NPSR1: variants seen among roughly 807,000 people sequenced by gnomAD.
The protein encoded by NPSR1 is neuropeptide S receptor 1.
In NPSR1, 48 loss-of-function variants were observed where a neutral mutation model predicts 46.9. The ratio of observed to expected loss-of-function variants is 1.02; its 90% CI spans 0.81 to 1.30. The LOEUF (loss-of-function observed/expected upper bound fraction) is 1.30. Among genes scored for constraint, NPSR1 ranks in the 50% most tolerant of loss-of-function variants. The probability of loss-of-function intolerance (pLI) is 0.00; values close to 1 mark genes in which losing one functional copy is unlikely to be tolerated. For missense variants in NPSR1, 450 were observed against 449.5 expected, an observed-to-expected ratio of 1.00 and a Z score of -0.01; for synonymous variants, 176 against 168.1, an observed-to-expected ratio of 1.05 and a Z score of -0.36.
chr7:34,793,002 T>C (rs916441075), intron 3 of NPSR1, among the ~76,000 whole-genome samples: 2 of 151,262 alleles, frequency 1.3e-5, no homozygotes, highest in African/African-American at 4.9e-5. Flanking sequence ...TTGGGAAACA[T>C]AGCAAGACCC....
chr7:34,866,958 GGGGATGGGAGA>G (rs1791328553), intron 8 of NPSR1, among the ~76,000 whole-genome samples: 1 of 151,676 alleles, frequency 6.6e-6, no homozygotes, highest in African/African-American at 2.4e-5. Context: ...CTCTTCTTCT[GGGGATGGGAGA>G]ACTAAAGCCA....
At position 34,861,156 on chromosome 7, in the gene NPSR1, A is replaced by C. The variant is rs556741498; in HGVS notation, c.1025+12493A>C. On this transcript the variant is annotated intron_variant, in intron 8 of 8. Coordinates refer to the NPSR1 transcript ENST00000359791. ...GAGGCAAAAGCCCAATGCCCTACTC[A>C]CACTGGGGACAGGTGATTGCTTGAA... 2.2e-3 allele frequency among the ~76,000 whole-genome samples: 339 copies of C among 152,044 alleles called. 2 individuals are homozygous for C. The highest frequency in any genetic ancestry group is 2.7e-3 in the Non-Finnish European group (181 of 68,046).
chr7:34,876,591 G>C (rs1422508043), intron 8 of NPSR1, among the ~76,000 whole-genome samples: 3 of 152,154 alleles, frequency 2.0e-5, no homozygotes, highest in African/African-American at 7.2e-5. Flanking sequence ...TGGTGCAAAA[G>C]CTGTTGCAGT....
chr7:34,700,455 G>T (rs1793767372), intron 2 of NPSR1, among the ~76,000 whole-genome samples: 2 of 152,156 alleles, frequency 1.3e-5, no homozygotes, highest in South Asian at 4.1e-4. Context: ...CTCACACAGG[G>T]ATTTAAGCCT....
intron 2 of NPSR1, among the ~76,000 whole-genome samples, chr7:34,739,751 T>G (rs1392801332): frequency 6.6e-6 from 1 of 152,210 alleles, no homozygotes. Flanking sequence ...AGTCCTGTGA[T>G]GTGAACCATC....
chr7:34,858,564 C>T (rs1791108653), intron 8 of NPSR1, among the ~76,000 whole-genome samples: 1 of 151,772 alleles, frequency 6.6e-6, no homozygotes, highest in Non-Finnish European at 1.5e-5. Flanking sequence ...AAAGACATAC[C>T]TGAGACTGGA....
intron 2 of NPSR1, among the ~76,000 whole-genome samples, chr7:34,691,268 A>G (rs758123529): frequency 1.3e-5 from 2 of 152,242 alleles, no homozygotes; most frequent in Non-Finnish European, 2.9e-5. Flanking sequence ...TCATCATCAT[A>G]AAAGGACACA....
rs1785521168 is a variant in NPSR1, at chr7:34,751,451, C to T, written c.281-27011C>T. 5 of 1,114,778 alleles carry T rather than the reference C, an allele frequency of 4.5e-6. No individual in the cohort carries two copies. The East Asian group carries it at 9.4e-5, about 21-fold the overall frequency. 69.1% of individuals were successfully genotyped at this position (1,114,778 alleles called of 1,614,324 possible). A position where few individuals can be genotyped will look rare whatever the true frequency, so the allele number is the denominator to read the frequency against. ...AGTGTCTGTTTGCCATCCAACAGTT[C>T]CATCTTGCAGAAGCCGCGGATTAGT... is the stretch of plus-strand genomic sequence containing the variant. On this transcript the variant is annotated intron_variant, in intron 2 of 8. Transcript: ENST00000360581.
At chr7:34,764,161 G>T (rs1052034605) in intron 2 of NPSR1, among the ~76,000 whole-genome samples, 1 of 152,142 alleles carries the variant, frequency 6.6e-6, no homozygotes, top group African/African-American at 2.4e-5. Flanking sequence ...AACGACAAAG[G>T]CATGTTTGTT....
At chr7:34,801,814 C>G (rs1465627793) in intron 3 of NPSR1, among the ~76,000 whole-genome samples, 1 of 146,940 alleles carries the variant, frequency 6.8e-6, no homozygotes, top group South Asian at 2.1e-4. Context: ...GTATATCTAG[C>G]CCCATCATCT....
At chr7:34,872,097 A>T (rs1791469152) in intron 8 of NPSR1, among the ~76,000 whole-genome samples, 1 of 151,954 alleles carries the variant, frequency 6.6e-6, no homozygotes, top group Non-Finnish European at 1.5e-5. Context: ...AAGCTCTTCC[A>T]TAATCATCTG....
chr7:34,788,116 G>A (rs1171628354), intron 3 of NPSR1, among the ~76,000 whole-genome samples: 1 of 152,000 alleles, frequency 6.6e-6, no homozygotes, highest in Non-Finnish European at 1.5e-5. Flanking sequence ...AATTTAAATT[G>A]TGACATCAAA....
chr7:34,853,568 C>T (rs1412042825), downstream of NPSR1, among the ~76,000 whole-genome samples: 2 of 152,200 alleles, frequency 1.3e-5, no homozygotes, highest in African/African-American at 4.8e-5. Context: ...TCCAGGCTTA[C>T]AGAATGTTAA....
intron 2 of NPSR1, among the ~76,000 whole-genome samples, chr7:34,759,739 T>C (rs1432853737): frequency 6.6e-6 from 1 of 152,146 alleles, no homozygotes; most frequent in African/African-American, 2.4e-5. Flanking sequence ...CACACCTCAA[T>C]AGTTCTTCAC....
At chr7:34,808,898 G>GT (rs2128750047) in intron 3 of NPSR1, among the ~76,000 whole-genome samples, 1 of 152,250 alleles carries the variant, frequency 6.6e-6, no homozygotes, top group African/African-American at 2.4e-5. Context: ...TTAAATGCCT[G>GT]AAGATGGTTA....
At chr7:34,721,467 C>T (rs1783854272) in intron 2 of NPSR1, among the ~76,000 whole-genome samples, 1 of 152,094 alleles carries the variant, frequency 6.6e-6, no homozygotes, top group South Asian at 2.1e-4. Flanking sequence ...GTAATTAGAA[C>T]GAGACCCCAC....
intron 3 of NPSR1, among the ~76,000 whole-genome samples, chr7:34,811,356 C>T (rs1022997220): frequency 2.6e-5 from 4 of 152,120 alleles, no homozygotes; most frequent in Admixed American, 2.6e-4. Context: ...CTGAACTCTT[C>T]TTAGTGTTCA....
At chr7:34,724,946 G>A (rs1339833695) in intron 2 of NPSR1, among the ~76,000 whole-genome samples, 1 of 152,136 alleles carries the variant, frequency 6.6e-6, no homozygotes, top group Non-Finnish European at 1.5e-5. Flanking sequence ...GTCTGTGCCT[G>A]TGGGGTGAGA....
chr7:34,755,795 A>T (rs1785804602), intron 2 of NPSR1, among the ~76,000 whole-genome samples: 1 of 152,128 alleles, frequency 6.6e-6, no homozygotes, highest in African/African-American at 2.4e-5. Context: ...AGAAAAAAAA[A>T]ATAATAGTAA....
Sources: allele counts gnomAD v4.1 joint callset (sites outside exome capture counted in the v4.1 genomes callset), GRCh38; gene constraint gnomAD v4.1.1; transcripts MANE v1.5; gene names NCBI Gene and HGNC (gene_info 2026-07-23, HGNC 2026-07-21).